The following LRRTM4 variants were observed in gnomAD, a reference collection of about 807,000 sequenced individuals.
LRRTM4 encodes leucine rich repeat transmembrane neuronal 4.
In LRRTM4, 25 loss-of-function variants were observed where a neutral mutation model predicts 47.6. The observed-to-expected ratio is 0.53, with a 90% CI of 0.38 to 0.73. LRRTM4 has a LOEUF of 0.73. Ranked by LOEUF, LRRTM4 falls within the 30% of genes least tolerant of loss-of-function variation. LRRTM4 has a pLI of 0.00. For missense variants in LRRTM4, 638 were observed against 713.4 expected (o/e 0.89, Z 1.20); for synonymous variants, 311 against 269.5 (o/e 1.15, Z -1.51).
chr2:77,125,099 A>G (rs1249622664), intron 3 of LRRTM4, among the ~76,000 whole-genome samples: 1 of 152,180 alleles, frequency 6.6e-6, no homozygotes, highest in East Asian at 1.9e-4. Context: ...AAGATCCAAA[A>G]TGATTTCCAG....
chr2:77,158,537 CT>C (rs912167954), intron 3 of LRRTM4, among the ~76,000 whole-genome samples: 4 of 151,542 alleles, frequency 2.6e-5, no homozygotes, highest in African/African-American at 9.7e-5. Context: ...ATTTTTTTAC[CT>C]TTTTTTTGCA....
At chr2:77,482,223 T>TTTTCCAATAAA (rs1677731896) in intron 3 of LRRTM4, among the ~76,000 whole-genome samples, 1 of 152,232 alleles carries the variant, frequency 6.6e-6, no homozygotes, top group Non-Finnish European at 1.5e-5. Flanking sequence ...TTTTCCAATA[T>TTTTCCAATAAA]GATTTTGCCA....
intron 3 of LRRTM4, among the ~76,000 whole-genome samples, chr2:76,991,604 A>T (rs116168854): frequency 1.3e-5 from 2 of 151,766 alleles, no homozygotes; most frequent in Non-Finnish European, 3.0e-5. Context: ...TAAAGCCCTT[A>T]GCAGACTAAT....
chr2:77,401,071 C>A (rs904823316), intron 3 of LRRTM4, among the ~76,000 whole-genome samples: 1 of 151,910 alleles, frequency 6.6e-6, no homozygotes, highest in African/African-American at 2.4e-5. Context: ...TTCACAAAGT[C>A]TAAATATTTA....
intron 3 of LRRTM4, among the ~76,000 whole-genome samples, chr2:76,893,428 A>AAAATAATAACTAAAT (rs1673315453): frequency 6.6e-6 from 1 of 151,750 alleles, no homozygotes; most frequent in Admixed American, 6.6e-5. Flanking sequence ...TTAAAAGTTA[A>AAAATAATAACTAAAT]AAATAATAAC....
intron 3 of LRRTM4, among the ~76,000 whole-genome samples, chr2:77,342,423 C>T (rs1296683597): frequency 6.6e-6 from 1 of 151,756 alleles, no homozygotes; most frequent in African/African-American, 2.4e-5. Flanking sequence ...TAATTATCTG[C>T]CCCAAACTAT....
chr2:76,807,399 TGTATATACGTATATATATATATATAC>T lies in LRRTM4; in HGVS notation c.1552-58509_1552-58484del, dbSNP rs1558667210. On this transcript the variant is annotated intron_variant, in intron 3 of 3. Transcript: ENST00000409884. ...CATTCATTTTATATATATATATATA[TGTATATACGTATATATATATATATAC>T]ATATATATATACGTATATACATATA... Among the ~76,000 whole-genome samples, 618 of 112,150 alleles carry T rather than the reference TGTATATACGTATATATATATATATAC, an allele frequency of 5.5e-3. 14 individuals carry two copies. Among genetic ancestry groups the T allele is most frequent in the Non-Finnish European group, 8.0e-3 (470 of 58,668 alleles). The allele number at this position is 112,150 out of a possible 152,430, so 73.6% of individuals were successfully genotyped here. A position where few individuals can be genotyped will look rare whatever the true frequency, so the allele number is the denominator to read the frequency against.
In LRRTM4 at chr2:77,519,404, G is replaced by T; in HGVS notation, c.465C>A (p.Gly155=). 6.2e-7 allele frequency: 1 copy of T among 1,613,378 alleles called. No individual in the cohort carries two copies. Among genetic ancestry groups the T allele is most frequent in the Non-Finnish European group, 8.5e-7 (1 of 1,179,602 alleles). Residue 155 remains glycine (G), a synonymous_variant, in exon 3 of 4, where the codon GGC becomes GGA. Transcript: ENST00000409884. This position sits in a 1 kb window ranked among gnomAD's most constrained non-coding sequence, Gnocchi z 4.6. ...LQTLQSEQFK[G]LRKLIILHLR... ...AGTGCAAAATGATGAGTTTCCGAAG[G>T]CCTTTAAATTGTTCAGATTGCAATG...
chr2:77,495,012 A>T (rs1045946820), intron 3 of LRRTM4, among the ~76,000 whole-genome samples: 1 of 152,146 alleles, frequency 6.6e-6, no homozygotes, highest in African/African-American at 2.4e-5. Context: ...GTATCCCATT[A>T]TATGGATACA....
intron 3 of LRRTM4, among the ~76,000 whole-genome samples, chr2:76,793,190 C>T (rs977070722): frequency 6.6e-6 from 1 of 152,148 alleles, no homozygotes; most frequent in East Asian, 1.9e-4. Context: ...CCTATTTATA[C>T]TCTAGGTTTT....
At chr2:76,978,421 G>A (rs1383113149) in intron 3 of LRRTM4, among the ~76,000 whole-genome samples, 1 of 151,936 alleles carries the variant, frequency 6.6e-6, no homozygotes, top group African/African-American at 2.4e-5. Context: ...TTTTTCTTAT[G>A]TAACATGAAA....
intron 3 of LRRTM4, among the ~76,000 whole-genome samples, chr2:77,062,197 C>T (rs1679809253): frequency 6.6e-6 from 1 of 152,156 alleles, no homozygotes; most frequent in Non-Finnish European, 1.5e-5. Context: ...TTGGACACTC[C>T]TCCAAACTGA....
chr2:76,919,209 A>G (rs1211624557), intron 3 of LRRTM4, among the ~76,000 whole-genome samples: 1 of 152,172 alleles, frequency 6.6e-6, no homozygotes, highest in Non-Finnish European at 1.5e-5. Context: ...GAGTTCAATC[A>G]TATACGCACC....
At position 77,113,404 on chromosome 2, in the gene LRRTM4, T is replaced by A. The variant is rs137908661; in HGVS notation, c.1552-364488A>T. Among the ~76,000 whole-genome samples, 6 of 152,310 alleles carry A rather than the reference T, an allele frequency of 3.9e-5. No homozygotes were observed. The East Asian group carries it at 9.7e-4, about 25-fold the overall frequency. On this transcript the variant is annotated intron_variant, in intron 3 of 3. Transcript: ENST00000409884. ...TTGAATTCTTTTAAAAAGGTAAGATTGAGCGGCGCATAGCGACGCATTTGT... is the reference window on the plus strand; with the variant it reads ...TTGAATTCTTTTAAAAAGGTAAGATAGAGCGGCGCATAGCGACGCATTTGT...
chr2:76,890,942 A>G (rs1019029883), intron 3 of LRRTM4, among the ~76,000 whole-genome samples: 1 of 151,906 alleles, frequency 6.6e-6, no homozygotes, highest in Non-Finnish European at 1.5e-5. Context: ...CCAGAAAGAG[A>G]GAAGCACAGC....
chr2:77,071,213 C>A (rs781053102), intron 3 of LRRTM4, among the ~76,000 whole-genome samples: 11 of 152,084 alleles, frequency 7.2e-5, no homozygotes, highest in African/African-American at 2.7e-4. Flanking sequence ...ATCCCACTGT[C>A]CAATTTAGAT....
chr2:76,818,948 A>C (rs1340654578), intron 3 of LRRTM4, among the ~76,000 whole-genome samples: 4 of 151,920 alleles, frequency 2.6e-5, no homozygotes, highest in South Asian at 4.1e-4. Context: ...TTTACTAGTA[A>C]AGTTATACTA....
At chr2:76,870,328 A>T (rs1672587102) in intron 3 of LRRTM4, among the ~76,000 whole-genome samples, 1 of 152,112 alleles carries the variant, frequency 6.6e-6, no homozygotes, top group Non-Finnish European at 1.5e-5. Flanking sequence ...TAAATACTAC[A>T]ACCCTCCCTG....
chr2:77,369,629 G>A (rs1391195986), intron 3 of LRRTM4, among the ~76,000 whole-genome samples: 1 of 151,652 alleles, frequency 6.6e-6, no homozygotes, highest in East Asian at 1.9e-4. Flanking sequence ...AGTTATGGGT[G>A]CTTAACTACA....
Sources: gnomAD v4.1 joint callset for allele counts (sites outside exome capture counted in the v4.1 genomes callset) on GRCh38, gnomAD v4.1.1 for gene constraint, Gnocchi (gnomAD v3.1) non-coding constraint, MANE v1.5 for transcripts, NCBI Gene and HGNC (gene_info 2026-07-23, HGNC 2026-07-21) for gene names.